Variants in FMN2 observed in about 807,000 individuals in gnomAD.
FMN2 encodes formin-2.
A neutral mutation model predicts 142.3 loss-of-function variants in FMN2; 51 were observed. The observed-to-expected ratio is 0.36, with a 90% CI of 0.29 to 0.45. The LOEUF (loss-of-function observed/expected upper bound fraction) is 0.45. Among genes scored for constraint, FMN2 ranks in the 20% least tolerant of loss-of-function variants. The pLI, the probability that FMN2 is intolerant of heterozygous loss-of-function variation, is 1.00. For missense variants in FMN2, 1,936 were observed against 2,122.8 expected (o/e 0.91, Z 1.73); for synonymous variants, 882 against 869.8 (o/e 1.01, Z -0.25).
At chr1:240,156,750 A>G (rs1475487618) in intron 2 of FMN2, among the ~76,000 whole-genome samples, 1 of 152,204 alleles carries the variant, frequency 6.6e-6, no homozygotes, top group Non-Finnish European at 1.5e-5. Flanking sequence ...AGAAAGGATC[A>G]AGCAGAATGC....
In FMN2 at chr1:240,438,448, G is replaced by A. The variant is rs9729599; in HGVS notation, c.5060+238G>A. ...GTGCTGGCTTGCCAGGACCACTGTC[G>A]GGTAAATCAACTTCTATCATGAGGA... On this transcript the variant is annotated intron_variant, in intron 16 of 17. Transcript: ENST00000319653. Among the ~76,000 whole-genome samples the A allele has an allele frequency of 0.17, 25,504 of 152,068 alleles. 3,416 individuals are homozygous for A. The highest frequency in any genetic ancestry group is 0.36 in the African/African-American group (14,976 of 41,422).
intron 13 of FMN2, among the ~76,000 whole-genome samples, chr1:240,337,473 A>C (rs949896928): frequency 1.5e-4 from 23 of 152,178 alleles, no homozygotes; most frequent in African/African-American, 5.3e-4. Flanking sequence ...CTAAGTGATC[A>C]AGTGAGGGAA....
In FMN2 at chr1:240,177,985, G is replaced by C; in HGVS notation, c.1847G>C (p.Gly616Ala). 2 of 1,612,850 alleles carry C rather than the reference G, an allele frequency of 1.2e-6. 1 individual carries two copies. The highest frequency in any genetic ancestry group is 2.2e-5 in the South Asian group (2 of 90,886). Residue 616 changes from glycine (G) to alanine (A), a missense_variant, in exon 3 of 18, where the codon GGG becomes GCG. Around this residue, in one of 8 missense-constraint regions of FMN2, gnomAD observed 478 missense variants for 462.8 expected, o/e 1.03. Coordinates refer to ENST00000319653, the MANE Select transcript of FMN2 (RefSeq NM_020066.5). ...ACACACTCATTGGACTATTCAGAAG[G>C]GCAGTTTCCTAGGCGAGTTCCATCC... is the stretch of plus-strand genomic sequence containing the variant. ...QPTHSLDYSE[G>A]QFPRRVPSMG...
chr1:240,096,100 G>C (rs1661187034), intron 1 of FMN2, among the ~76,000 whole-genome samples: 2 of 152,110 alleles, frequency 1.3e-5, no homozygotes, highest in African/African-American at 4.8e-5. Flanking sequence ...AGAGAAAGAG[G>C]TGAAATAACT....
intron 7 of FMN2, among the ~76,000 whole-genome samples, chr1:240,288,661 AAC>A (rs1488012945): frequency 6.6e-6 from 1 of 152,076 alleles, no homozygotes; most frequent in Non-Finnish European, 1.5e-5. Flanking sequence ...AATAGAACAG[AAC>A]AGGGGTGATG....
rs11583501 is a variant in FMN2, at chr1:240,092,805, T to A, written c.696T>A (p.Pro232=). ...AGCAGCTCCAGGGCGCCGAGGAGCC[T>A]GCAGCGCCCCCCACTGCCGTCTCCC... ...QQQQLQGAEE[P]AAPPTAVSPQ... is the part of the protein sequence containing the mutation. The change falls in exon 1 of 18, where the codon CCT becomes CCA. Residue 232 remains proline, a synonymous_variant. Transcript: ENST00000319653. 6.3e-7 allele frequency: 1 copy of A among 1,585,536 alleles called. No individual in the cohort carries two copies. The highest frequency in any genetic ancestry group is 8.6e-7 in the Non-Finnish European group (1 of 1,166,700).
intron 14 of FMN2, among the ~76,000 whole-genome samples, chr1:240,379,292 C>A (rs1235137036): frequency 6.6e-6 from 1 of 152,042 alleles, no homozygotes; most frequent in African/African-American, 2.4e-5. Flanking sequence ...CATCGAACAT[C>A]TTTTGGCCCT....
intron 8 of FMN2, among the ~76,000 whole-genome samples, chr1:240,319,404 C>T (rs758934193): frequency 6.6e-6 from 1 of 152,152 alleles, no homozygotes. Flanking sequence ...TGGGGGATAT[C>T]TTTCTGTCTG....
At chr1:240,365,741 T>C (rs947545445) in intron 14 of FMN2, among the ~76,000 whole-genome samples, 3 of 152,232 alleles carry the variant, frequency 2.0e-5, no homozygotes, top group African/African-American at 4.8e-5. Context: ...CTTTGTCTTA[T>C]GTGTGTTTAT....
At chr1:240,287,984 T>C (rs1266105451) in intron 7 of FMN2, among the ~76,000 whole-genome samples, 1 of 152,206 alleles carries the variant, frequency 6.6e-6, no homozygotes, top group Non-Finnish European at 1.5e-5. Context: ...TGAGCTATGA[T>C]GTCAGCTAGA....
chr1:240,345,878 A>C (rs1279757206), intron 13 of FMN2, among the ~76,000 whole-genome samples: 1 of 152,188 alleles, frequency 6.6e-6, no homozygotes, highest in Non-Finnish European at 1.5e-5. Context: ...AGGTGAAATA[A>C]AAATGGCATT....
At chr1:240,316,681 G>A (rs1041611040) in intron 8 of FMN2, among the ~76,000 whole-genome samples, 32 of 152,160 alleles carry the variant, frequency 2.1e-4, no homozygotes, top group African/African-American at 7.7e-4. Flanking sequence ...ATGATGAACA[G>A]ATTTGGGGAC....
chr1:240,202,674 T>C (rs1339558153), intron 4 of FMN2, among the ~76,000 whole-genome samples: 1 of 152,008 alleles, frequency 6.6e-6, no homozygotes, highest in Non-Finnish European at 1.5e-5. Flanking sequence ...ATGTTGCCCA[T>C]GCTGGTCTCG....
chr1:240,431,423 T>TATATATATATATATATATATACAC lies in FMN2; in HGVS notation c.4911-6637_4911-6636insTATATATATATATATATATACACA, dbSNP rs1491221486. On this transcript the variant is annotated intron_variant, in intron 15 of 17. Coordinates refer to ENST00000319653, the MANE Select transcript of FMN2 (RefSeq NM_020066.5). ...TGTTTTATATATATATATATATATA[T>TATATATATATATATATATATACAC]ACATATATATACACACATATATATG... 1.0e-3 allele frequency among the ~76,000 whole-genome samples: 133 copies of TATATATATATATATATATATACAC among 130,930 alleles called. 1 individual carries two copies. The highest frequency in any genetic ancestry group is 3.6e-3 in the African/African-American group (130 of 36,362). The allele number at this position is 130,930 out of a possible 152,430, so 85.9% of individuals were successfully genotyped here. A position where few individuals can be genotyped will look rare whatever the true frequency, so the allele number is the denominator to read the frequency against.
At chr1:240,443,614 G>A (rs566417798) in intron 16 of FMN2, among the ~76,000 whole-genome samples, 19 of 152,196 alleles carry the variant, frequency 1.2e-4, no homozygotes, top group Admixed American at 3.9e-4. Context: ...TTAGCCAGGC[G>A]TGTTGGTGCA....
At chr1:240,414,001 T>C (rs996777010) in intron 15 of FMN2, among the ~76,000 whole-genome samples, 2 of 152,234 alleles carry the variant, frequency 1.3e-5, no homozygotes, top group African/African-American at 2.4e-5. Context: ...AACAGAGATT[T>C]ATCCAAGCAC....
At chr1:240,317,326 G>C (rs1670822710) in intron 8 of FMN2, among the ~76,000 whole-genome samples, 1 of 137,804 alleles carries the variant, frequency 7.3e-6, no homozygotes, top group Non-Finnish European at 1.6e-5. Flanking sequence ...AGAAAAGAAA[G>C]ATGTAAAATG....
At chr1:240,138,064 C>CAAA (rs369637580) in intron 2 of FMN2, among the ~76,000 whole-genome samples, 6 of 95,582 alleles carry the variant, frequency 6.3e-5, no homozygotes, top group Non-Finnish European at 8.7e-5. Context: ...GACTCCATCT[C>CAAA]AAAAAAAAAA....
At chr1:240,184,986 T>TTTCTCCCTCCTATACCTTCCCC (rs1665353469) in intron 3 of FMN2, among the ~76,000 whole-genome samples, 1 of 149,604 alleles carries the variant, frequency 6.7e-6, no homozygotes, top group African/African-American at 2.5e-5. Context: ...TCCCCTTCTC[T>TTTCTCCCTCCTATACCTTCCCC]TTCTCCCTCC....
Sources: gnomAD v4.1 joint callset for allele counts (sites outside exome capture counted in the v4.1 genomes callset) on GRCh38, gnomAD v4.1.1 for gene constraint, gnomAD v4.1.1 regional missense constraint, MANE v1.5 for transcripts, NCBI Gene and HGNC (gene_info 2026-07-23, HGNC 2026-07-21) for gene names.